Variants in FRAS1 observed in about 807,000 individuals in gnomAD.
FRAS1 encodes Fraser extracellular matrix complex subunit 1.
In FRAS1, 290 loss-of-function variants were observed where a neutral mutation model predicts 435.2. The observed-to-expected ratio is 0.67, with a 90% confidence interval of 0.61 to 0.73. The LOEUF is 0.73. Ranked by LOEUF, FRAS1 falls within the 30% of genes least tolerant of loss-of-function variation. FRAS1 has a pLI of 0.00. For missense variants in FRAS1, 4,860 were observed against 5,001.5 expected (o/e 0.97, Z 0.85); for synonymous variants, 1,800 against 1,851.0 (o/e 0.97, Z 0.71).
At chr4:78,505,115 C>A (rs1200687574) in intron 61 of FRAS1, among the ~76,000 whole-genome samples, 7 of 152,200 alleles carry the variant, frequency 4.6e-5, no homozygotes, top group Non-Finnish European at 8.8e-5. Context: ...TGATGGGCTT[C>A]CCTTTGTGGG....
At chr4:78,298,570 A>G (rs1301406585) in intron 14 of FRAS1, among the ~76,000 whole-genome samples, 1 of 152,238 alleles carries the variant, frequency 6.6e-6, no homozygotes, top group Non-Finnish European at 1.5e-5. Flanking sequence ...TTGGTACTCT[A>G]TATAGATGCA....
intron 9 of FRAS1, among the ~76,000 whole-genome samples, chr4:78,277,531 A>G (rs574579527): frequency 6.6e-6 from 1 of 152,274 alleles, no homozygotes; most frequent in East Asian, 1.9e-4. Context: ...TCTTTAGGCT[A>G]CAGATATTAT....
chr4:78,132,410 A>G (rs1403306968), intron 2 of FRAS1, among the ~76,000 whole-genome samples: 1 of 152,254 alleles, frequency 6.6e-6, no homozygotes, highest in Non-Finnish European at 1.5e-5. Flanking sequence ...ATAGCACCAC[A>G]TATTCAGAGC....
intron 30 of FRAS1, among the ~76,000 whole-genome samples, chr4:78,402,231 C>T (rs543352058): frequency 2.6e-5 from 4 of 152,002 alleles, no homozygotes; most frequent in African/African-American, 9.7e-5. Context: ...AAAGTAAAAA[C>T]TCACTTGGCA....
At chr4:78,101,120 T>C (rs1742107765) in intron 2 of FRAS1, among the ~76,000 whole-genome samples, 1 of 152,168 alleles carries the variant, frequency 6.6e-6, no homozygotes, top group Non-Finnish European at 1.5e-5. Flanking sequence ...CTCGATTTTT[T>C]TTTTAAAGAC....
chr4:78,193,285 G>A (rs933142065), intron 2 of FRAS1, among the ~76,000 whole-genome samples: 1 of 152,142 alleles, frequency 6.6e-6, no homozygotes, highest in Admixed American at 6.5e-5. Flanking sequence ...TGTCTATTAG[G>A]TCTGCTTGGT....
At chr4:78,424,455 A>AT (rs781020610) in intron 35 of FRAS1, 35 bp downstream of exon 35, 2 of 1,214,136 alleles carry the variant, frequency 1.6e-6, no homozygotes, top group Non-Finnish European at 2.2e-6. Context: ...AGAAAGTGAA[A>AT]TTTTTTCTTT....
At chr4:78,533,460 A>G (rs1721785467) in intron 70 of FRAS1, among the ~76,000 whole-genome samples, 1 of 152,252 alleles carries the variant, frequency 6.6e-6, no homozygotes, top group East Asian at 1.9e-4. Flanking sequence ...ATGAGGCTGT[A>G]GAAATAGGCA....
At chr4:78,136,630 A>G (rs1719932194) in intron 2 of FRAS1, among the ~76,000 whole-genome samples, 1 of 152,190 alleles carries the variant, frequency 6.6e-6, no homozygotes, top group Non-Finnish European at 1.5e-5. Flanking sequence ...AAGAGGCTCA[A>G]AGAGATTATG....
intron 2 of FRAS1, among the ~76,000 whole-genome samples, chr4:78,113,614 C>T (rs1327582651): frequency 1.3e-5 from 2 of 152,220 alleles, no homozygotes; most frequent in African/African-American, 4.8e-5. Flanking sequence ...CTTTTGGCTC[C>T]ATAAATGTCT....
At chr4:78,281,737 T>A (rs1388123431) in intron 11 of FRAS1, among the ~76,000 whole-genome samples, 1 of 152,206 alleles carries the variant, frequency 6.6e-6, no homozygotes, top group African/African-American at 2.4e-5. Context: ...CCTAGAAAAC[T>A]CAGTTTAACC....
In FRAS1 at chr4:78,481,917, G is replaced by A. The variant is rs766342138; in HGVS notation, c.8557G>A (p.Val2853Ile). The change falls in exon 57 of 74, where the codon GTT becomes ATT. Residue 2853 changes from valine to isoleucine, a missense_variant. Val to Ile is a conservative substitution (Grantham distance 29, BLOSUM62 3). Coordinates refer to ENST00000512123, the MANE Select transcript of FRAS1 (RefSeq NM_025074.7). ...TTCTGCCACACCAGGAGTTGACTAC[G>A]TTCCCAGCTCTCGGAAGGTGGAATT... ...PASATPGVDYVPSSRKVEFGP... is the reference protein window; with the variant it reads ...PASATPGVDYIPSSRKVEFGP... 3.7e-5 allele frequency: 60 copies of A among 1,613,746 alleles called. No homozygotes were observed. Among genetic ancestry groups the A allele is most frequent in the East Asian group, 6.7e-5 (3 of 44,884 alleles).
chr4:78,112,386 T>G (rs1204665165), intron 2 of FRAS1, among the ~76,000 whole-genome samples: 1 of 152,150 alleles, frequency 6.6e-6, no homozygotes, highest in Non-Finnish European at 1.5e-5. Context: ...TGGAGATTCA[T>G]GAGTCTGTGA....
At chr4:78,366,586 G>A (rs926978941) in intron 22 of FRAS1, among the ~76,000 whole-genome samples, 1 of 152,188 alleles carries the variant, frequency 6.6e-6, no homozygotes, top group African/African-American at 2.4e-5. Context: ...CAGAAAACAA[G>A]TCTGTTTAAG....
At chr4:78,479,987 T>C (rs747443573) in intron 56 of FRAS1, among the ~76,000 whole-genome samples, 2 of 152,228 alleles carry the variant, frequency 1.3e-5, no homozygotes, top group Non-Finnish European at 2.9e-5. Flanking sequence ...TTATATGATA[T>C]ATTTTGATAC....
At chr4:78,259,102 A>G (rs1399803791) in intron 6 of FRAS1, among the ~76,000 whole-genome samples, 2 of 89,192 alleles carry the variant, frequency 2.2e-5, no homozygotes, top group African/African-American at 7.6e-5. Context: ...AATCCAGTCT[A>G]TCATTGTTGG....
intron 53 of FRAS1, among the ~76,000 whole-genome samples, 183 bp from the exon 54 acceptor site, chr4:78,475,255 G>A (rs142340744): frequency 2.6e-5 from 4 of 152,260 alleles, no homozygotes; most frequent in East Asian, 3.9e-4. Flanking sequence ...TGTTTGTTTC[G>A]TGCTCTGATT....
chr4:78,191,534 CT>C (rs35774956), intron 2 of FRAS1, among the ~76,000 whole-genome samples: 134,713 of 142,842 alleles, frequency 0.94, 63,793 homozygotes, highest in South Asian at 1. Context: ...GTATTATTTT[CT>C]TTTTTTTTTT....
chr4:78,255,023 C>A (rs889478381), intron 5 of FRAS1, among the ~76,000 whole-genome samples: 1 of 152,154 alleles, frequency 6.6e-6, no homozygotes, highest in African/African-American at 2.4e-5. Context: ...AAGCCAGCAG[C>A]AGGTGGGACC....
Sources: gnomAD v4.1 joint callset for allele counts (sites outside exome capture counted in the v4.1 genomes callset) on GRCh38, gnomAD v4.1.1 for gene constraint, MANE v1.5 for transcripts, NCBI Gene and HGNC (gene_info 2026-07-23, HGNC 2026-07-21) for gene names.